NBEAL2: variants seen among roughly 807,000 people sequenced by gnomAD.
NBEAL2 encodes the protein neurobeachin like 2, also known as neurobeachin-like protein 2.
A neutral mutation model predicts 299.8 loss-of-function variants in NBEAL2; 160 were observed. That is an observed-to-expected ratio of 0.53 (90% CI 0.47 to 0.61). NBEAL2 has a LOEUF of 0.61. NBEAL2 is among the 20% of genes least tolerant of loss of function. NBEAL2 has a pLI of 0.00. For synonymous variants in NBEAL2, 1,493 were observed against 1,542.3 expected, an observed-to-expected ratio of 0.97 and a Z score of 0.75; for missense variants, 3,112 against 3,649.0, an observed-to-expected ratio of 0.85 and a Z score of 3.79.
Position 47,009,566 on chromosome 3 carries a change from T to C in NBEAL2, c.*246T>C, listed in dbSNP as rs1575635919. On this transcript the variant is annotated 3_prime_UTR_variant, in exon 54 of 54. Coordinates refer to ENST00000450053, the MANE Select transcript of NBEAL2 (RefSeq NM_015175.3). Reference sequence around the variant, plus strand: ...TGGCGTCTGCGGCCGCAGCAGCACTTTTTGCACAGTCTGGGGCGGGGTTCC... The same window carrying C: ...TGGCGTCTGCGGCCGCAGCAGCACTCTTTGCACAGTCTGGGGCGGGGTTCC... 1.9e-6 allele frequency: 1 copy of C among 538,594 alleles called. No homozygotes were observed. Among genetic ancestry groups the C allele is most frequent in the Non-Finnish European group, 3.3e-6 (1 of 304,316 alleles). 33.4% of individuals were successfully genotyped at this position (538,594 alleles called of 1,614,324 possible). A position where few individuals can be genotyped will look rare whatever the true frequency, so the allele number is the denominator to read the frequency against.
At position 46,998,210 on chromosome 3, in the gene NBEAL2, C is replaced by T. The variant is rs758442982; in HGVS notation, c.3102C>T (p.Asp1034=). ...LFNFHLWTLS[D]FAVRLGHIQY... Reference sequence around the variant, plus strand: ...ACTTTCACCTCTGGACCCTCAGTGACTTCGCCGTGCGCCTCGGTAGGTGTG... The same window carrying T: ...ACTTTCACCTCTGGACCCTCAGTGATTTCGCCGTGCGCCTCGGTAGGTGTG... The change falls in exon 21 of 54, where the codon GAC becomes GAT. Residue 1034 remains aspartate (D), a synonymous_variant. Transcript: ENST00000450053. 5 of 1,610,220 alleles carry T rather than the reference C, an allele frequency of 3.1e-6. No homozygotes were observed. Among genetic ancestry groups the T allele is most frequent in the Non-Finnish European group, 4.2e-6 (5 of 1,178,476 alleles).
At position 47,009,538 on chromosome 3, in the gene NBEAL2, C is replaced by T; in HGVS notation, c.*218C>T. The stretch of plus-strand genomic sequence containing the variant: ...GCTGAGGGGCCGCCCTGAGGGCCAG[C>T]ACTGGCGTCTGCGGCCGCAGCAGCA... On this transcript the variant is annotated 3_prime_UTR_variant, in exon 54 of 54. Transcript: ENST00000450053. 2 of 573,348 alleles carry T rather than the reference C, an allele frequency of 3.5e-6. No homozygotes were observed. Among genetic ancestry groups the T allele is most frequent in the Non-Finnish European group, 6.1e-6 (2 of 325,750 alleles). 35.5% of individuals were successfully genotyped at this position (573,348 alleles called of 1,614,324 possible).
At chr3:46,992,327 G>A (rs1169933054) in intron 9 of NBEAL2, 148 bp from the exon 10 acceptor site, 2 of 760,766 alleles carry the variant, frequency 2.6e-6, no homozygotes, top group Non-Finnish European at 4.6e-6. Context: ...CATCTGAGCA[G>A]GGCACAGGGG....
Position 47,005,743 on chromosome 3 carries a change from G to A in NBEAL2, c.6697G>A (p.Asp2233Asn). ...PDFLENQNGF[D>N]LGCLQLTNEK... ...GACCCAGTCCTCTGTGCCAGGTTTT[G>A]ACCTGGGCTGTCTCCAGCTGACCAA... The change falls in exon 42 of 54, where the codon GAC (aspartate) becomes AAC (asparagine). Residue 2233 changes from aspartate to asparagine, a missense_variant. Asp to Asn is a conservative substitution (Grantham distance 23). This residue lies in a region of NBEAL2 where 521 missense variants were observed against 729.6 expected (regional missense o/e 0.71). Transcript: ENST00000450053. 1 of 1,613,260 alleles carries A rather than the reference G, an allele frequency of 6.2e-7. No individual in the cohort carries two copies. The highest frequency in any genetic ancestry group is 1.3e-5 in the African/African-American group (1 of 75,032).
rs777289096 is a variant in NBEAL2, at chr3:46,995,222, G to A, written c.1487G>A (p.Gly496Asp). The stretch of plus-strand genomic sequence containing the variant: ...ACCTGTGTGCAGGCAGGCCTGGTGG[G>A]CTGCCTGTTGGAGACACTCAGCACA... Reference protein sequence around the residue: ...RATCVQAGLVGCLLETLSTGL... With the variant: ...RATCVQAGLVDCLLETLSTGL... The change falls in exon 13 of 54, where the codon GGC becomes GAC. Residue 496 changes from glycine to aspartate, a missense_variant. Transcript: ENST00000450053. The A allele has an allele frequency of 2.4e-5, 38 of 1,554,750 alleles. No homozygotes were observed. Among genetic ancestry groups the A allele is most frequent in the Non-Finnish European group, 3.3e-5 (38 of 1,149,406 alleles).
chr3:46,995,286 G>A lies in NBEAL2; in HGVS notation c.1551G>A (p.Leu517=), dbSNP rs988389540. The A allele has an allele frequency of 3.8e-6, 6 of 1,568,780 alleles. No homozygotes were observed. The South Asian group carries it at 5.8e-5, about 15-fold the overall frequency. ...ALEARCQEQL[L]ALLQALGRVS... ...AGGCCCGCTGCCAAGAGCAGCTGCTGGCACTGCTACAAGCACTGGGCCGTG... is the reference window on the plus strand; with the variant it reads ...AGGCCCGCTGCCAAGAGCAGCTGCTAGCACTGCTACAAGCACTGGGCCGTG... The change falls in exon 13 of 54, where the codon CTG becomes CTA. Residue 517 remains leucine (L), a synonymous_variant. Coordinates refer to ENST00000450053, the MANE Select transcript of NBEAL2 (RefSeq NM_015175.3).
Position 46,992,493 on chromosome 3 carries a change from G to A in NBEAL2, c.1051G>A (p.Ala351Thr). ...CCCACAGCTGTACCTGCAGTCCCGGGCGCCCCCCGAGGGGGACAGTGACCT... is the reference window on the plus strand; with the variant it reads ...CCCACAGCTGTACCTGCAGTCCCGGACGCCCCCCGAGGGGGACAGTGACCT... ...QNSKLYLQSR[A>T]PPEGDSDLAT... Residue 351 changes from alanine (A) to threonine (T), a missense_variant, in exon 10 of 54, where the codon GCG becomes ACG. Around this residue, in one of 3 missense-constraint regions of NBEAL2, gnomAD observed 2,243 missense variants for 2,538.1 expected, o/e 0.88. Transcript: ENST00000450053. The A allele has an allele frequency of 6.2e-7, 1 of 1,606,492 alleles. No homozygotes were observed. The highest frequency in any genetic ancestry group is 8.5e-7 in the Non-Finnish European group (1 of 1,176,974).
At chr3:47,006,994 T>A (rs2037492760) in intron 45 of NBEAL2, 72 bp from the exon 46 acceptor site, 13 of 1,262,252 alleles carry the variant, frequency 1.0e-5, no homozygotes, top group Non-Finnish European at 1.3e-5. Flanking sequence ...AAGGAAGGGA[T>A]GATGCTTCAG....
At position 46,982,027 on chromosome 3, in the gene NBEAL2, A is replaced by T. The variant is rs1380510305; in HGVS notation, c.51+2115A>T. The T allele has an allele frequency of 6.6e-6, 1 of 152,246 alleles. No individual in the cohort carries two copies. Among genetic ancestry groups the T allele is most frequent in the Admixed American group, 6.5e-5 (1 of 15,288 alleles). The allele number at this position is 152,246 out of a possible 1,614,324, so 9.4% of individuals were successfully genotyped here. On this transcript the variant is annotated intron_variant, in intron 1 of 53. Transcript: ENST00000450053. This position sits in a 1 kb window ranked among gnomAD's most constrained non-coding sequence, Gnocchi z 4.2. ...CTGGGGCCAGGCAAACAAATCCAGG[A>T]TGTAACAGCAAACCCCCAAGCCAGG...
chr3:47,008,856 T>G, intron 52 of NBEAL2, 133 bp from the exon 53 acceptor site: 2 of 1,461,808 alleles, frequency 1.4e-6, no homozygotes, highest in South Asian at 2.4e-5. Context: ...GTGGGAGATT[T>G]CTTTGTGTAT....
In NBEAL2 at chr3:47,001,484, A is replaced by G; in HGVS notation, c.4644+46A>G. 1 of 1,592,408 alleles carries G rather than the reference A, an allele frequency of 6.3e-7. No homozygotes were observed. Among genetic ancestry groups the G allele is most frequent in the Admixed American group, 1.7e-5 (1 of 57,190 alleles). On this transcript the variant is annotated intron_variant, in intron 29 of 53. Coordinates refer to ENST00000450053, the MANE Select transcript of NBEAL2 (RefSeq NM_015175.3). This position sits in a 1 kb window ranked among gnomAD's most constrained non-coding sequence, Gnocchi z 6.1. The stretch of plus-strand genomic sequence containing the variant: ...GTGAGCCACATGAACACTCATGTTC[A>G]TGCAAGCCTGCAGGGATCTGGTCTG...
Position 46,992,537 on chromosome 3 carries a change from T to G in NBEAL2, c.1095T>G (p.Thr365=). The change falls in exon 10 of 54, where the codon ACT becomes ACG. Residue 365 remains threonine (T), a synonymous_variant. Transcript: ENST00000450053. ...GTGACCTGGCTACCCGGTTACTGAC[T>G]GAGCCCGATGTCCAAAAGGTACCAT... is the stretch of plus-strand genomic sequence containing the variant. ...GDSDLATRLL[T]EPDVQKVLDQ... The G allele has an allele frequency of 1.0e-5, 16 of 1,599,930 alleles. No individual in the cohort carries two copies. Among genetic ancestry groups the G allele is most frequent in the Non-Finnish European group, 1.4e-5 (16 of 1,173,692 alleles).
chr3:46,991,141 C>T lies in NBEAL2; in HGVS notation c.557-78C>T, dbSNP rs1014455521. On this transcript the variant is annotated intron_variant, in intron 6 of 53. Transcript: ENST00000450053. The surrounding 1 kb of genome is among the most constrained non-coding windows in gnomAD (Gnocchi z 6.2). Reference sequence around the variant, plus strand: ...TCCCTCTCCCCTCCACCCCAGGGCACTCACCTCTTGTGCAGCCCCCTGGGT... The same window carrying T: ...TCCCTCTCCCCTCCACCCCAGGGCATTCACCTCTTGTGCAGCCCCCTGGGT... 1.5e-6 allele frequency: 2 copies of T among 1,320,776 alleles called. No homozygotes were observed. The highest frequency in any genetic ancestry group is 2.9e-5 in the African/African-American group (2 of 68,286). 81.8% of individuals were successfully genotyped at this position (1,320,776 alleles called of 1,614,324 possible).
At position 47,002,386 on chromosome 3, in the gene NBEAL2, T is replaced by A. The variant is rs888603514; in HGVS notation, c.5167T>A (p.Ser1723Thr). Residue 1723 changes from serine to threonine, a missense_variant, in exon 32 of 54, where the codon TCC (serine) becomes ACC (threonine). Transcript: ENST00000450053. The stretch of plus-strand genomic sequence containing the variant: ...AATCCTCCAGGTACAGCCAACCATG[T>A]CCCAGTTCGAAATGGACACGTATGC... ...FIDKQVQPTM[S>T]QFEMDTYAKS... is the part of the protein sequence containing the mutation. The A allele has an allele frequency of 1.9e-6, 3 of 1,613,608 alleles. No individual in the cohort carries two copies. The highest frequency in any genetic ancestry group is 1.7e-5 in the Admixed American group (1 of 60,026).
chr3:46,997,465 G>C, intron 19 of NBEAL2, 32 bp downstream of exon 19: 1 of 1,598,922 alleles, frequency 6.3e-7, no homozygotes, highest in Non-Finnish European at 8.6e-7. Context: ...GTTGTGGAGA[G>C]GGAATCTTGG....
rs767641617 is a variant in NBEAL2, at chr3:47,001,878, C to T, written c.4783-42C>T. The T allele has an allele frequency of 6.2e-7, 1 of 1,608,172 alleles. No homozygotes were observed. The highest frequency in any genetic ancestry group is 8.5e-7 in the Non-Finnish European group (1 of 1,175,678). On this transcript the variant is annotated intron_variant, in intron 30 of 53. Coordinates refer to ENST00000450053, the MANE Select transcript of NBEAL2 (RefSeq NM_015175.3). This position sits in a 1 kb window ranked among gnomAD's most constrained non-coding sequence, Gnocchi z 6.1. ...GGGGGCGTGTGAGATGTCGGGAGCT[C>T]CAAGAGTGGCTGGGTGCCACTCATC...
At position 47,000,973 on chromosome 3, in the gene NBEAL2, C is replaced by T. The variant is rs368723500; in HGVS notation, c.4306-28C>T. The T allele has an allele frequency of 8.0e-5, 126 of 1,568,270 alleles. No individual in the cohort carries two copies. The highest frequency in any genetic ancestry group is 9.3e-5 in the Non-Finnish European group (107 of 1,156,636). On this transcript the variant is annotated intron_variant, in intron 27 of 53. Coordinates refer to ENST00000450053, the MANE Select transcript of NBEAL2 (RefSeq NM_015175.3). The surrounding 1 kb of genome is among the most constrained non-coding windows in gnomAD (Gnocchi z 4.5). Reference sequence around the variant, plus strand: ...CCCTCCCTTAGCCGCCCACAACCCACGCCCACACCACCCACCTGTGCCCAC... The same window carrying T: ...CCCTCCCTTAGCCGCCCACAACCCATGCCCACACCACCCACCTGTGCCCAC...
Position 47,009,049 on chromosome 3 carries a change from C to A in NBEAL2, c.8088C>A (p.Thr2696=). The change falls in exon 53 of 54, where the codon ACC becomes ACA. Residue 2696 remains threonine (T), a synonymous_variant. Coordinates refer to ENST00000450053, the MANE Select transcript of NBEAL2 (RefSeq NM_015175.3). ...MKVAIRSVAV[T]KERSHVLVGL... ...TGGCCATCCGCAGCGTGGCCGTGACCAAGGAGCGCAGCCACGTGCTGGTGG... is the reference window on the plus strand; with the variant it reads ...TGGCCATCCGCAGCGTGGCCGTGACAAAGGAGCGCAGCCACGTGCTGGTGG... 1.2e-6 allele frequency: 2 copies of A among 1,601,878 alleles called. No individual in the cohort carries two copies. Among genetic ancestry groups the A allele is most frequent in the Non-Finnish European group, 1.7e-6 (2 of 1,179,774 alleles).
At chr3:46,992,414 C>G in intron 9 of NBEAL2, 61 bp from the exon 10 acceptor site, 21 of 1,466,866 alleles carry the variant, frequency 1.4e-5, no homozygotes, top group Non-Finnish European at 2.0e-5. Context: ...ACCCCACCCT[C>G]TCCCATCTTC....
Sources: allele counts gnomAD v4.1 joint callset, GRCh38; gene constraint gnomAD v4.1.1; regional missense constraint gnomAD v4.1.1; non-coding constraint Gnocchi (gnomAD v3.1); transcripts MANE v1.5; gene names NCBI Gene and HGNC (gene_info 2026-07-23, HGNC 2026-07-21).